Variants in LEF1 observed in about 807,000 individuals in gnomAD.
LEF1 encodes lymphoid enhancer-binding factor 1.
A neutral mutation model predicts 51.2 loss-of-function variants in LEF1; 14 were observed. The observed-to-expected ratio is 0.27, with a 90% CI of 0.18 to 0.43. The LOEUF is 0.43. LEF1 is among the 20% of genes least tolerant of loss of function. The probability of loss-of-function intolerance (pLI) is 1.00; values close to 1 mark genes in which losing one functional copy is unlikely to be tolerated. For missense variants in LEF1, 386 were observed against 512.0 expected (o/e 0.75, Z 2.37); for synonymous variants, 185 against 183.2 (o/e 1.01, Z -0.08).
intron 3 of LEF1, among the ~76,000 whole-genome samples, chr4:108,122,318 G>C (rs1406098555): frequency 6.6e-6 from 1 of 151,966 alleles, no homozygotes; most frequent in Non-Finnish European, 1.5e-5. Context: ...TCCTTTATCT[G>C]TTATTATCAT....
chr4:108,053,476 G>T (rs1258464597), intron 11 of LEF1, among the ~76,000 whole-genome samples: 1 of 152,134 alleles, frequency 6.6e-6, no homozygotes, highest in African/African-American at 2.4e-5. Context: ...GGAGGAAAGG[G>T]GTCATTGCCA....
At chr4:108,058,600 C>T (rs1737462678) in intron 11 of LEF1, among the ~76,000 whole-genome samples, 2 of 152,320 alleles carry the variant, frequency 1.3e-5, no homozygotes, top group Non-Finnish European at 1.5e-5. Context: ...AGCTCGAGTG[C>T]TATCTACCAC....
chr4:108,165,006 T>C, intron 2 of LEF1, 91 bp downstream of exon 2: 1 of 1,104,092 alleles, frequency 9.1e-7, no homozygotes, highest in East Asian at 2.4e-5. Context: ...TAGTCCCAGT[T>C]TCTTGAACTC....
chr4:108,142,744 T>C (rs1360354701), intron 3 of LEF1, among the ~76,000 whole-genome samples: 1 of 152,186 alleles, frequency 6.6e-6, no homozygotes, highest in Non-Finnish European at 1.5e-5. Context: ...AATTGCTGCC[T>C]TTGAAAATGT....
intron 3 of LEF1, among the ~76,000 whole-genome samples, chr4:108,104,519 A>C (rs1741029862): frequency 6.7e-6 from 1 of 149,546 alleles, no homozygotes; most frequent in African/African-American, 2.4e-5. Flanking sequence ...TACATATTAT[A>C]TCTCTGAACA....
At chr4:108,104,244 G>A (rs527417485) in intron 3 of LEF1, among the ~76,000 whole-genome samples, 5 of 151,868 alleles carry the variant, frequency 3.3e-5, no homozygotes, top group African/African-American at 9.7e-5. Context: ...GGTTGCCAGG[G>A]GCTAAGTGGA....
intron 8 of LEF1, among the ~76,000 whole-genome samples, chr4:108,077,016 G>A (rs184823164): frequency 0.012 from 1,166 of 98,802 alleles, 11 homozygotes; most frequent in Middle Eastern, 0.05. Context: ...GACAGAGCAA[G>A]ACTCATCTCA....
chr4:108,047,660 C>G lies in LEF1; in HGVS notation c.*1098G>C, dbSNP rs1295512302. The G allele has an allele frequency of 6.6e-6, 1 of 152,606 alleles. No individual in the cohort carries two copies. Among genetic ancestry groups the G allele is most frequent in the Non-Finnish European group, 1.5e-5 (1 of 68,038 alleles). The allele number at this position is 152,606 out of a possible 1,614,324, so 9.5% of individuals were successfully genotyped here. A position where few individuals can be genotyped will look rare whatever the true frequency, so the allele number is the denominator to read the frequency against. On this transcript the variant is annotated 3_prime_UTR_variant, in exon 12 of 12. Coordinates refer to ENST00000265165, the MANE Select transcript of LEF1 (RefSeq NM_016269.5). ...ATGACAGTTTTGGGCAAAGGCTGTGCCTTGCTTTTTTAAAAAATGGGTACA... is the reference window on the plus strand; with the variant it reads ...ATGACAGTTTTGGGCAAAGGCTGTGGCTTGCTTTTTTAAAAAATGGGTACA...
chr4:108,145,718 G>A (rs1743959251), intron 3 of LEF1, among the ~76,000 whole-genome samples: 1 of 152,192 alleles, frequency 6.6e-6, no homozygotes. Flanking sequence ...AGTGAAAGAA[G>A]CCAGTCACAA....
At chr4:108,094,099 A>C (rs1006421414) in intron 3 of LEF1, among the ~76,000 whole-genome samples, 1 of 152,202 alleles carries the variant, frequency 6.6e-6, no homozygotes, top group Non-Finnish European at 1.5e-5. Context: ...TTACCTGTAC[A>C]TCATGTGGCC....
intron 3 of LEF1, among the ~76,000 whole-genome samples, chr4:108,123,464 C>G (rs1324927893): frequency 6.5e-5 from 6 of 92,516 alleles, no homozygotes; most frequent in Admixed American, 6.1e-4. Context: ...TTTTTTAAAC[C>G]TATTAGTCTA....
intron 11 of LEF1, among the ~76,000 whole-genome samples, chr4:108,061,631 AT>A (rs1166767728): frequency 0.019 from 1,584 of 84,976 alleles, 28 homozygotes; most frequent in African/African-American, 0.044. Context: ...AATTAAAACA[AT>A]TTTTTTTTTC....
At chr4:108,105,692 C>T (rs1035918259) in intron 3 of LEF1, among the ~76,000 whole-genome samples, 1 of 152,044 alleles carries the variant, frequency 6.6e-6, no homozygotes, top group African/African-American at 2.4e-5. Context: ...TCTCTATAGA[C>T]CTGGTGAAAT....
intron 11 of LEF1, 77 bp downstream of exon 11, chr4:108,063,546 G>T: frequency 1.8e-6 from 2 of 1,119,954 alleles, no homozygotes; most frequent in South Asian, 2.7e-5. Context: ...AACTCATTAT[G>T]AGCAAGAAGA....
intron 5 of LEF1, 99 bp from the exon 6 acceptor site, chr4:108,081,768 G>C: frequency 2.4e-6 from 2 of 818,360 alleles, no homozygotes; most frequent in Non-Finnish European, 4.1e-6. Context: ...TATTCAAACA[G>C]AATCTTGTGG....
chr4:108,067,485 T>G (rs576264330), intron 9 of LEF1, among the ~76,000 whole-genome samples: 1 of 151,624 alleles, frequency 6.6e-6, no homozygotes, highest in Admixed American at 6.6e-5. Flanking sequence ...CTCTCCCCCT[T>G]TAGACAAACT....
intron 3 of LEF1, among the ~76,000 whole-genome samples, chr4:108,160,030 C>T (rs1744969948): frequency 6.6e-6 from 1 of 152,150 alleles, no homozygotes; most frequent in African/African-American, 2.4e-5. Flanking sequence ...GCTTCCTGCA[C>T]TGTGTTGCTT....
intron 3 of LEF1, among the ~76,000 whole-genome samples, chr4:108,127,511 G>A (rs1378397465): frequency 6.6e-6 from 1 of 152,108 alleles, no homozygotes; most frequent in Non-Finnish European, 1.5e-5. Flanking sequence ...GACAAATTAT[G>A]TACAATTACA....
chr4:108,140,464 G>A (rs1319304399), intron 3 of LEF1, among the ~76,000 whole-genome samples: 1 of 152,162 alleles, frequency 6.6e-6, no homozygotes, highest in Non-Finnish European at 1.5e-5. Flanking sequence ...AGGGACCGGA[G>A]GGGATTGATT....
Sources: allele counts gnomAD v4.1 joint callset (sites outside exome capture counted in the v4.1 genomes callset), GRCh38; gene constraint gnomAD v4.1.1; transcripts MANE v1.5; gene names NCBI Gene and HGNC (gene_info 2026-07-23, HGNC 2026-07-21).